TYR: variants seen among roughly 807,000 people sequenced by gnomAD.
The protein encoded by TYR is LB24-AB.
A neutral mutation model predicts 51.5 loss-of-function variants in TYR; 58 were observed. The ratio of observed to expected loss-of-function variants is 1.13; its 90% CI spans 0.91 to 1.40. The LOEUF is 1.40. Among genes scored for constraint, TYR ranks in the 40% most tolerant of loss-of-function variants. The pLI is 0.00. For missense variants in TYR, 732 were observed against 647.4 expected, an observed-to-expected ratio of 1.13 and a Z score of -1.42; for synonymous variants, 263 against 235.2, an observed-to-expected ratio of 1.12 and a Z score of -1.08.
chr11:89,194,194 TATG>T (rs777188786), intron 2 of TYR, among the ~76,000 whole-genome samples: 5 of 152,214 alleles, frequency 3.3e-5, no homozygotes, highest in Non-Finnish European at 5.9e-5. Context: ...TATGTGTCTT[TATG>T]TGCTTGACAG....
At chr11:89,278,048 T>C (rs1944676601) in intron 3 of TYR, among the ~76,000 whole-genome samples, 1 of 151,730 alleles carries the variant, frequency 6.6e-6, no homozygotes, top group Non-Finnish European at 1.5e-5. Context: ...CTGGAGCTAT[T>C]TGCTCCTTGA....
chr11:89,240,070 G>T (rs1050150536), intron 3 of TYR, among the ~76,000 whole-genome samples: 3 of 152,012 alleles, frequency 2.0e-5, no homozygotes, highest in Admixed American at 6.6e-5. Context: ...TGTGGTGTAA[G>T]CCCTATGTTT....
intron 3 of TYR, among the ~76,000 whole-genome samples, chr11:89,257,054 T>C (rs936636241): frequency 6.6e-6 from 1 of 151,954 alleles, no homozygotes; most frequent in African/African-American, 2.4e-5. Flanking sequence ...GAAGCTAGAC[T>C]CTACTGCTCT....
chr11:89,198,993 G>A (rs535336979), intron 2 of TYR, among the ~76,000 whole-genome samples: 2 of 152,026 alleles, frequency 1.3e-5, no homozygotes, highest in African/African-American at 2.4e-5. Context: ...TCCCACCTAT[G>A]AGTGAGAACA....
At chr11:89,273,355 G>T (rs1944612880) in intron 3 of TYR, among the ~76,000 whole-genome samples, 1 of 151,798 alleles carries the variant, frequency 6.6e-6, no homozygotes, top group Non-Finnish European at 1.5e-5. Flanking sequence ...TGAAGAGAGG[G>T]AGGAGGACTG....
chr11:89,245,932 AC>A (rs1274033440), intron 3 of TYR, among the ~76,000 whole-genome samples: 1 of 146,218 alleles, frequency 6.8e-6, no homozygotes, highest in Non-Finnish European at 1.5e-5. Context: ...AAAAAAAAAA[AC>A]AAACAAACAA....
chr11:89,285,652 A>T (rs966329121), intron 4 of TYR, among the ~76,000 whole-genome samples: 33 of 151,788 alleles, frequency 2.2e-4, no homozygotes, highest in African/African-American at 7.5e-4. Context: ...CACTACATGC[A>T]TATTCTTTAC....
intron 2 of TYR, among the ~76,000 whole-genome samples, chr11:89,203,235 G>T (rs1943623967): frequency 6.6e-6 from 1 of 152,132 alleles, no homozygotes; most frequent in African/African-American, 2.4e-5. Flanking sequence ...TAGTCACATG[G>T]TTGATAACAA....
intron 3 of TYR, among the ~76,000 whole-genome samples, chr11:89,228,700 C>A (rs1944006514): frequency 6.6e-6 from 1 of 152,140 alleles, no homozygotes; most frequent in Non-Finnish European, 1.5e-5. Context: ...TGCACTATGG[C>A]CCAACTGTCC....
At chr11:89,220,439 C>T (rs1943894351) in intron 2 of TYR, among the ~76,000 whole-genome samples, 1 of 152,152 alleles carries the variant, frequency 6.6e-6, no homozygotes, top group Admixed American at 6.5e-5. Flanking sequence ...CACCAGGTCC[C>T]ACCTCCAAAA....
intron 1 of TYR, among the ~76,000 whole-genome samples, chr11:89,184,702 A>G (rs181084771): frequency 6.6e-6 from 1 of 152,316 alleles, no homozygotes; most frequent in East Asian, 1.9e-4. Flanking sequence ...ATATTATGTC[A>G]TAGTACAGTT....
intron 2 of TYR, among the ~76,000 whole-genome samples, chr11:89,222,388 C>T (rs1289365322): frequency 1.3e-5 from 2 of 152,116 alleles, no homozygotes; most frequent in Admixed American, 1.3e-4. Flanking sequence ...CAAACATAAA[C>T]TTTTCAGAGT....
At chr11:89,205,015 A>G (rs552560854) in intron 2 of TYR, among the ~76,000 whole-genome samples, 5 of 152,286 alleles carry the variant, frequency 3.3e-5, no homozygotes, top group Non-Finnish European at 7.4e-5. Context: ...GAATAATTAT[A>G]AACATAGTTG....
intron 3 of TYR, among the ~76,000 whole-genome samples, chr11:89,250,248 A>C (rs1215490852): frequency 2.0e-5 from 3 of 152,012 alleles, no homozygotes; most frequent in African/African-American, 7.2e-5. Context: ...TACACAAGGC[A>C]TTTCCATGTA....
At chr11:89,201,227 G>GA (rs60952897) in intron 2 of TYR, among the ~76,000 whole-genome samples, 11 of 151,016 alleles carry the variant, frequency 7.3e-5, no homozygotes, top group South Asian at 2.1e-4. Context: ...TGGCAAAAAA[G>GA]AAAAAAAATA....
At chr11:89,217,429 T>C (rs1431516099) in intron 2 of TYR, among the ~76,000 whole-genome samples, 1 of 152,176 alleles carries the variant, frequency 6.6e-6, no homozygotes, top group Non-Finnish European at 1.5e-5. Flanking sequence ...CTGATGTATC[T>C]TCTCCATCTT....
At chr11:89,265,461 T>C (rs1944514584) in intron 3 of TYR, among the ~76,000 whole-genome samples, 1 of 152,108 alleles carries the variant, frequency 6.6e-6, no homozygotes, top group Non-Finnish European at 1.5e-5. Flanking sequence ...ACTGGGCCTT[T>C]CTCATTTCAT....
At position 89,203,218 on chromosome 11, in the gene TYR, A is replaced by G. The variant is rs1943623731; in HGVS notation, c.1036+11800A>G. 2.0e-5 allele frequency among the ~76,000 whole-genome samples: 3 copies of G among 152,164 alleles called. No homozygotes were observed. In the South Asian group the frequency reaches 6.2e-4, roughly 32 times the overall value. ...TTTTCCCTTGATTTTACGGATAGGGAACCTGATAGTCACATGGTTGATAAC... is the reference window on the plus strand; with the variant it reads ...TTTTCCCTTGATTTTACGGATAGGGGACCTGATAGTCACATGGTTGATAAC... On this transcript the variant is annotated intron_variant, in intron 2 of 4. Coordinates refer to ENST00000263321, the MANE Select transcript of TYR (RefSeq NM_000372.5).
chr11:89,264,099 A>AT (rs1438265162), intron 3 of TYR, among the ~76,000 whole-genome samples: 2 of 151,936 alleles, frequency 1.3e-5, no homozygotes, highest in African/African-American at 2.4e-5. Flanking sequence ...GGGGAGTATT[A>AT]TTTTTTCATA....
Sources: gnomAD v4.1 joint callset for allele counts (sites outside exome capture counted in the v4.1 genomes callset) on GRCh38, gnomAD v4.1.1 for gene constraint, MANE v1.5 for transcripts, NCBI Gene and HGNC (gene_info 2026-07-23, HGNC 2026-07-21) for gene names.